The following RNF122 variants were observed in gnomAD, a reference collection of about 807,000 sequenced individuals.
RNF122 encodes ring finger protein 122.
A neutral mutation model predicts 24.2 loss-of-function variants in RNF122; 17 were observed. The ratio of observed to expected loss-of-function variants is 0.70; its 90% CI spans 0.48 to 1.06. The LOEUF is 1.06. Ranked by LOEUF, RNF122 falls within the 50% of genes least tolerant of loss-of-function variation. The probability of loss-of-function intolerance (pLI) is 0.00; values close to 1 mark genes in which losing one functional copy is unlikely to be tolerated. For synonymous variants in RNF122, 65 were observed against 71.8 expected (o/e 0.91, Z 0.48); for missense variants, 168 against 198.1 (o/e 0.85, Z 0.91).
At chr8:33,549,309 G>A (rs568042759) in intron 5 of RNF122, 101 bp downstream of exon 5, 407 of 943,832 alleles carry the variant, frequency 4.3e-4, no homozygotes, top group Non-Finnish European at 1.2e-4. Flanking sequence ...GGGGCATCAC[G>A]GATAAGGGGC....
intron 1 of RNF122, among the ~76,000 whole-genome samples, chr8:33,560,614 C>CT (rs1482674897): frequency 6.6e-6 from 1 of 151,696 alleles, no homozygotes; most frequent in Non-Finnish European, 1.5e-5. Context: ...GATAGCCAAG[C>CT]TGTAGCTGGA....
At chr8:33,549,073 T>C (rs936063828) in intron 5 of RNF122, among the ~76,000 whole-genome samples, 1 of 151,480 alleles carries the variant, frequency 6.6e-6, no homozygotes, top group Non-Finnish European at 1.5e-5. Context: ...ATACAAAAAT[T>C]AGCCAGGCAT....
At chr8:33,561,348 G>C (rs1810536446) in intron 1 of RNF122, among the ~76,000 whole-genome samples, 1 of 152,086 alleles carries the variant, frequency 6.6e-6, no homozygotes, top group Non-Finnish European at 1.5e-5. Flanking sequence ...TTGGACATCA[G>C]TCCTCCTCAT....
intron 2 of RNF122, among the ~76,000 whole-genome samples, chr8:33,552,666 GCCGAGA>G (rs1483282877): frequency 6.6e-6 from 1 of 152,148 alleles, no homozygotes; most frequent in Non-Finnish European, 1.5e-5. Flanking sequence ...TGTGCAAATG[GCCGAGA>G]CCATAATTAT....
At chr8:33,553,922 C>A (rs57170749) in intron 2 of RNF122, among the ~76,000 whole-genome samples, 3,151 of 152,310 alleles carry the variant, frequency 0.021, 106 homozygotes, top group African/African-American at 0.072. Flanking sequence ...ATCCACCGTC[C>A]CCTCCCCTCC....
At chr8:33,553,512 A>G (rs760424903) in intron 2 of RNF122, among the ~76,000 whole-genome samples, 2 of 152,150 alleles carry the variant, frequency 1.3e-5, no homozygotes, top group African/African-American at 2.4e-5. Context: ...AGAGGTTACA[A>G]TGAGCTAGGA....
At chr8:33,565,586 G>A (rs1240467923) in intron 1 of RNF122, among the ~76,000 whole-genome samples, 1 of 152,238 alleles carries the variant, frequency 6.6e-6, no homozygotes, top group African/African-American at 2.4e-5. Context: ...CTTTCAGGTA[G>A]CTCGCTGAGG....
intron 1 of RNF122, among the ~76,000 whole-genome samples, chr8:33,564,527 C>T (rs975526036): frequency 6.6e-6 from 1 of 151,950 alleles, no homozygotes; most frequent in Non-Finnish European, 1.5e-5. Context: ...GAGCCCTGAT[C>T]GTGCCACTGC....
chr8:33,558,816 T>G lies in RNF122; in HGVS notation c.26-45A>C, dbSNP rs763312158. On this transcript the variant is annotated intron_variant, in intron 1 of 5. Transcript: ENST00000256257. ...AAAATCATTAGGGTTGGAAATTTAC[T>G]GCTGGGCTGATAGCACTGTGTCAGC... The G allele has an allele frequency of 1.4e-5, 21 of 1,480,860 alleles. No homozygotes were observed. In the East Asian group the frequency reaches 4.6e-4, roughly 32 times the overall value. The allele number at this position is 1,480,860 out of a possible 1,614,324, so 91.7% of individuals were successfully genotyped here. A position where few individuals can be genotyped will look rare whatever the true frequency, so the allele number is the denominator to read the frequency against.
chr8:33,549,891 C>G (rs1259607589), intron 4 of RNF122, among the ~76,000 whole-genome samples: 1 of 151,714 alleles, frequency 6.6e-6, no homozygotes, highest in Non-Finnish European at 1.5e-5. Flanking sequence ...GCACTTAATA[C>G]CAACTAGAGG....
At chr8:33,551,429 T>A (rs775492256) in intron 2 of RNF122, 40 bp from the exon 3 acceptor site, 3 of 1,609,928 alleles carry the variant, frequency 1.9e-6, no homozygotes, top group Non-Finnish European at 1.7e-6. Flanking sequence ...GCAGGTTAAA[T>A]GGAACAATTC....
intron 1 of RNF122, 30 bp from the exon 2 acceptor site, chr8:33,558,801 G>C: frequency 6.6e-7 from 1 of 1,521,354 alleles, no homozygotes; most frequent in Non-Finnish European, 8.9e-7. Context: ...AAAATCATTA[G>C]GGTTGGAAAT....
chr8:33,554,193 C>A (rs137947895), intron 2 of RNF122, among the ~76,000 whole-genome samples: 70 of 152,234 alleles, frequency 4.6e-4, no homozygotes, highest in African/African-American at 1.6e-3. Context: ...GAGCTCACAG[C>A]GGCCTTGAGG....
chr8:33,566,786 G>A lies in RNF122; in HGVS notation c.-63C>T, dbSNP rs1336849740. ...GCAGGCGGGGTGCCAGGAGGGCGGGGTGGGAGCACTAGCGGCGTGAGGGGC... is the reference window on the plus strand; with the variant it reads ...GCAGGCGGGGTGCCAGGAGGGCGGGATGGGAGCACTAGCGGCGTGAGGGGC... On this transcript the variant is annotated 5_prime_UTR_variant, in exon 1 of 6. Coordinates refer to ENST00000256257, the MANE Select transcript of RNF122 (RefSeq NM_024787.3). The A allele has an allele frequency of 4.5e-6, 7 of 1,569,280 alleles. No individual in the cohort carries two copies. The highest frequency in any genetic ancestry group is 5.2e-6 in the Non-Finnish European group (6 of 1,155,754).
chr8:33,553,230 AC>A (rs1414719460), intron 2 of RNF122, among the ~76,000 whole-genome samples: 1 of 152,176 alleles, frequency 6.6e-6, no homozygotes, highest in East Asian at 1.9e-4. Context: ...TAGTCTGAGG[AC>A]CAAATCCAGC....
At position 33,566,705 on chromosome 8, in the gene RNF122, A is replaced by G. The variant is rs200835272; in HGVS notation, c.19T>C (p.Cys7Arg). The G allele has an allele frequency of 6.2e-7, 1 of 1,604,976 alleles. No homozygotes were observed. Among genetic ancestry groups the G allele is most frequent in the Non-Finnish European group, 8.5e-7 (1 of 1,176,624 alleles). Residue 7 changes from cysteine (C) to arginine (R), a missense_variant, in exon 1 of 6, where the codon TGT becomes CGT. By Grantham distance (180) the Cys-to-Arg change is radical. Transcript: ENST00000256257. ...CCTCGCCCCGGGGACTCACCGTTACACCACTGGAATGGGTGCATCAATGAA... is the reference window on the plus strand; with the variant it reads ...CCTCGCCCCGGGGACTCACCGTTACGCCACTGGAATGGGTGCATCAATGAA... MHPFQW[C>R]NGCFCGLGLV...
intron 1 of RNF122, among the ~76,000 whole-genome samples, chr8:33,566,489 C>A (rs1810625791): frequency 1.3e-5 from 2 of 152,220 alleles, no homozygotes; most frequent in South Asian, 4.1e-4. Flanking sequence ...AGTCCGGAGG[C>A]CCCTTCCAGG....
In RNF122 at chr8:33,566,824, C is replaced by G; in HGVS notation, c.-101G>C. ...CGGCGTGAGGGGCCGCAGGCGGGGTCGGGGCAGCGCGCTGCAGCCGCCCTG... is the reference window on the plus strand; with the variant it reads ...CGGCGTGAGGGGCCGCAGGCGGGGTGGGGGCAGCGCGCTGCAGCCGCCCTG... On this transcript the variant is annotated 5_prime_UTR_variant, in exon 1 of 6. Coordinates refer to ENST00000256257, the MANE Select transcript of RNF122 (RefSeq NM_024787.3). 7.7e-7 allele frequency: 1 copy of G among 1,293,254 alleles called. No individual in the cohort carries two copies. The highest frequency in any genetic ancestry group is 1.1e-6 in the Non-Finnish European group (1 of 915,702). The allele number at this position is 1,293,254 out of a possible 1,614,324, so 80.1% of individuals were successfully genotyped here.
rs1810632502 is a variant in RNF122, at chr8:33,566,762, C to T, written c.-39G>A. On this transcript the variant is annotated 5_prime_UTR_variant, in exon 1 of 6. Coordinates refer to ENST00000256257, the MANE Select transcript of RNF122 (RefSeq NM_024787.3). ...GTTGGCTTCCTCGGGCGAACGGACG[C>T]AGGCGGGGTGCCAGGAGGGCGGGGT... The T allele has an allele frequency of 3.8e-6, 6 of 1,593,816 alleles. No homozygotes were observed. In the East Asian group the frequency reaches 1.4e-4, roughly 36 times the overall value.
Sources: allele counts gnomAD v4.1 joint callset (sites outside exome capture counted in the v4.1 genomes callset), GRCh38; gene constraint gnomAD v4.1.1; transcripts MANE v1.5; gene names NCBI Gene and HGNC (gene_info 2026-07-23, HGNC 2026-07-21).